Variants in CFHR5 observed in about 807,000 individuals in gnomAD.
CFHR5 encodes the protein complement factor H related 5.
Under a neutral mutation model 62.9 loss-of-function variants are expected in CFHR5, and 73 were observed. The ratio of observed to expected loss-of-function variants is 1.16; its 90% CI spans 0.96 to 1.41. The LOEUF is 1.41. Ranked by LOEUF, CFHR5 falls within the 40% of genes most tolerant of loss-of-function variation. The pLI is 0.00. For synonymous variants in CFHR5, 249 were observed against 227.2 expected (o/e 1.10, Z -0.86); for missense variants, 779 against 679.9 (o/e 1.15, Z -1.62).
At chr1:197,005,164 C>A (rs925815079) in intron 9 of CFHR5, among the ~76,000 whole-genome samples, 12 of 152,154 alleles carry the variant, frequency 7.9e-5, no homozygotes, top group African/African-American at 2.7e-4. Context: ...CTGAGAACTT[C>A]TCACAGAGAC....
rs768724676 is a variant in CFHR5 at position 197,008,574 on chromosome 1, G to A, written c.1601G>A (p.Gly534Glu). 6.2e-7 allele frequency: 1 copy of A among 1,613,328 alleles called. No individual in the cohort carries two copies. The highest frequency in any genetic ancestry group is 1.7e-5 in the Admixed American group (1 of 59,998). Reference sequence around the variant, plus strand: ...GATGGAAAACTCTATGCAAAAACAGGGGATGCTGTTGAATTCCAGTGTAAA... The same window carrying A: ...GATGGAAAACTCTATGCAAAAACAGAGGATGCTGTTGAATTCCAGTGTAAA... ...RNDGKLYAKT[G>E]DAVEFQCKFP... Residue 534 changes from glycine to glutamate, a missense_variant, in exon 10 of 10, where the codon GGG becomes GAG. Transcript: ENST00000256785.
At chr1:196,981,815 T>C (rs1255193417) in intron 1 of CFHR5, among the ~76,000 whole-genome samples, 1 of 152,024 alleles carries the variant, frequency 6.6e-6, no homozygotes, top group Non-Finnish European at 1.5e-5. Flanking sequence ...TTATAATATC[T>C]AACATAATGT....
At chr1:196,980,584 A>C (rs1201206710) in intron 1 of CFHR5, among the ~76,000 whole-genome samples, 2 of 132,908 alleles carry the variant, frequency 1.5e-5, no homozygotes, top group Non-Finnish European at 3.1e-5. Flanking sequence ...GTATGTCTGT[A>C]TATATACGTG....
At chr1:197,002,891 C>A (rs1654190628) in intron 8 of CFHR5, among the ~76,000 whole-genome samples, 1 of 152,120 alleles carries the variant, frequency 6.6e-6, no homozygotes, top group African/African-American at 2.4e-5. Context: ...TCTTAAAAAT[C>A]TTTTCTATCA....
rs148661370 is a variant in CFHR5, at chr1:196,997,074, G to C, written c.970+873G>C. Among the ~76,000 whole-genome samples, 1,199 of 152,096 alleles carry C rather than the reference G, an allele frequency of 7.9e-3. 26 individuals carry two copies. The highest frequency in any genetic ancestry group is 0.026 in the African/African-American group (1,086 of 41,464). On this transcript the variant is annotated intron_variant, in intron 6 of 9. Transcript: ENST00000256785. ...TAATTTTGAACTTTAAAGACAAGCA[G>C]ACTTTCCGCCGCTGTTCTCCTCCTT...
rs1653982202 is a variant in CFHR5, at chr1:196,996,046, T to TAC, written c.816_817dup (p.Pro273HisfsTer24). ...GAACAAGTGAAAACATGTGGATACA[T>TAC]ACCTGAACTCGAGTACGGTTATGTT... On this transcript the variant is annotated frameshift_variant, in exon 6 of 10. Coordinates refer to ENST00000256785, the MANE Select transcript of CFHR5 (RefSeq NM_030787.4). LOFTEE classifies it high-confidence loss of function. 6.2e-7 allele frequency: 1 copy of TAC among 1,613,826 alleles called. No individual in the cohort carries two copies. The highest frequency in any genetic ancestry group is 8.5e-7 in the Non-Finnish European group (1 of 1,179,894).
At chr1:197,000,170 T>C (rs775967889) in intron 7 of CFHR5, among the ~76,000 whole-genome samples, 2 of 152,064 alleles carry the variant, frequency 1.3e-5, no homozygotes, top group Non-Finnish European at 2.9e-5. Flanking sequence ...GTCATAGGTA[T>C]CAAAATAAGG....
chr1:197,007,312 C>T (rs78497068), intron 9 of CFHR5, among the ~76,000 whole-genome samples: 2,832 of 151,892 alleles, frequency 0.019, 91 homozygotes, highest in African/African-American at 0.064. Context: ...CAAAATTTCT[C>T]GATTTATGGA....
At chr1:196,977,747 T>C in intron 1 of CFHR5, 25 bp downstream of exon 1, 1 of 1,535,662 alleles carries the variant, frequency 6.5e-7, no homozygotes, top group Non-Finnish European at 9.0e-7. Flanking sequence ...GATCCGAATA[T>C]TTTAGTTCCT....
chr1:196,994,315 A>C, intron 4 of CFHR5, 59 bp downstream of exon 4: 1 of 1,323,658 alleles, frequency 7.6e-7, no homozygotes, highest in South Asian at 1.2e-5. Flanking sequence ...TAATGCCCAT[A>C]TATTTTTATT....
At chr1:196,999,225 G>C (rs988878777) in intron 7 of CFHR5, among the ~76,000 whole-genome samples, 6 of 151,806 alleles carry the variant, frequency 4.0e-5, no homozygotes, top group African/African-American at 1.4e-4. Flanking sequence ...ATTTCAAAAA[G>C]ATAAGATAAC....
In CFHR5 at chr1:197,009,623, C is replaced by G. The variant is rs1305792499; in HGVS notation, c.*940C>G. 1 of 151,996 alleles carries G rather than the reference C, an allele frequency of 6.6e-6. No homozygotes were observed. The highest frequency in any genetic ancestry group is 2.4e-5 in the African/African-American group (1 of 41,384). 9.4% of individuals were successfully genotyped at this position (151,996 alleles called of 1,614,324 possible). A position where few individuals can be genotyped will look rare whatever the true frequency, so the allele number is the denominator to read the frequency against. Reference sequence around the variant, plus strand: ...AATCCTCTAATGTAAGTCTAGCTACCTATCCAATACTAAATACCCCTTAAA... The same window carrying G: ...AATCCTCTAATGTAAGTCTAGCTACGTATCCAATACTAAATACCCCTTAAA... On this transcript the variant is annotated 3_prime_UTR_variant, in exon 10 of 10. Coordinates refer to ENST00000256785, the MANE Select transcript of CFHR5 (RefSeq NM_030787.4).
At position 196,977,660 on chromosome 1, in the gene CFHR5, C is replaced by G. The variant is rs112503996; in HGVS notation, c.-5C>G. On this transcript the variant is annotated 5_prime_UTR_variant, in exon 1 of 10. Transcript: ENST00000256785. ...TTTAGTTATATACGATTGAGACTAC[C>G]AAGCATGTTGCTCTTATTCAGTGTA... 1.9e-6 allele frequency: 3 copies of G among 1,610,678 alleles called. No homozygotes were observed. Among genetic ancestry groups the G allele is most frequent in the Non-Finnish European group, 8.5e-7 (1 of 1,177,074 alleles).
intron 9 of CFHR5, among the ~76,000 whole-genome samples, chr1:197,007,985 A>G (rs1654336242): frequency 6.8e-6 from 1 of 147,788 alleles, no homozygotes; most frequent in African/African-American, 2.5e-5. Context: ...TGTATTATAT[A>G]TTATATATAA....
chr1:196,991,812 G>A (rs545338365), intron 3 of CFHR5, among the ~76,000 whole-genome samples: 1 of 152,166 alleles, frequency 6.6e-6, no homozygotes, highest in Non-Finnish European at 1.5e-5. Context: ...CCCCTACTGG[G>A]AGGTGTCTCC....
chr1:196,981,163 T>C (rs902029607), intron 1 of CFHR5, among the ~76,000 whole-genome samples: 1 of 152,154 alleles, frequency 6.6e-6, no homozygotes, highest in Non-Finnish European at 1.5e-5. Context: ...TTCTGCATGC[T>C]TTTTCTAAAT....
chr1:196,988,378 T>A (rs1393701576), intron 3 of CFHR5, among the ~76,000 whole-genome samples: 1 of 152,162 alleles, frequency 6.6e-6, no homozygotes, highest in African/African-American at 2.4e-5. Context: ...TCCTGCCTGA[T>A]TGCCCTGGCC....
intron 3 of CFHR5, among the ~76,000 whole-genome samples, chr1:196,991,978 A>G (rs972360852): frequency 6.6e-6 from 1 of 152,214 alleles, no homozygotes; most frequent in Non-Finnish European, 1.5e-5. Flanking sequence ...TTGTTCAGCT[A>G]TGCCCTGCCC....
At chr1:196,978,873 A>C (rs188149564) in intron 1 of CFHR5, among the ~76,000 whole-genome samples, 398 of 152,278 alleles carry the variant, frequency 2.6e-3, no homozygotes, top group Non-Finnish European at 4.3e-3. Flanking sequence ...GATAATATGT[A>C]GAATTTTGAC....
Sources: gnomAD v4.1 joint callset for allele counts (sites outside exome capture counted in the v4.1 genomes callset) on GRCh38, gnomAD v4.1.1 for gene constraint, MANE v1.5 for transcripts, NCBI Gene and HGNC (gene_info 2026-07-23, HGNC 2026-07-21) for gene names.